ORC2: variants seen among roughly 807,000 people sequenced by gnomAD.
The protein encoded by ORC2 is origin recognition complex subunit 2.
In ORC2, 37 loss-of-function variants were observed where a neutral mutation model predicts 77.7. The observed-to-expected ratio is 0.48, with a 90% CI of 0.37 to 0.63. The LOEUF (loss-of-function observed/expected upper bound fraction) is 0.63, where lower values mean the gene tolerates loss of function less well. Ranked by LOEUF, ORC2 falls within the 20% of genes least tolerant of loss-of-function variation. The pLI, the probability that ORC2 is intolerant of heterozygous loss-of-function variation, is 0.00. For missense variants in ORC2, 557 were observed against 661.9 expected (o/e 0.84, Z 1.74); for synonymous variants, 201 against 229.5 (o/e 0.88, Z 1.12).
intron 10 of ORC2, among the ~76,000 whole-genome samples, chr2:200,932,334 C>CTTT (rs869076427): frequency 6.8e-4 from 82 of 120,148 alleles, no homozygotes; most frequent in Non-Finnish European, 9.6e-4. Flanking sequence ...TCATTTCAAA[C>CTTT]TTTTTTTTTT....
At chr2:200,936,214 C>T (rs2041044998) in intron 8 of ORC2, among the ~76,000 whole-genome samples, 1 of 152,184 alleles carries the variant, frequency 6.6e-6, no homozygotes, top group Non-Finnish European at 1.5e-5. Flanking sequence ...TCCTTGCTAA[C>T]AGAACTCCAA....
intron 4 of ORC2, among the ~76,000 whole-genome samples, 193 bp downstream of exon 4, chr2:200,957,208 T>C (rs1319457247): frequency 1.3e-5 from 2 of 152,180 alleles, no homozygotes; most frequent in Admixed American, 6.5e-5. Flanking sequence ...ATAGATTCCT[T>C]CTTACTGAAA....
chr2:200,920,794 C>T (rs1243997089), intron 14 of ORC2, among the ~76,000 whole-genome samples, 199 bp downstream of exon 14: 3 of 152,146 alleles, frequency 2.0e-5, no homozygotes, highest in African/African-American at 7.2e-5. Flanking sequence ...AAAACATCCT[C>T]ATTTAGTATC....
At chr2:200,950,127 T>G (rs2125020454) in intron 4 of ORC2, among the ~76,000 whole-genome samples, 1 of 152,134 alleles carries the variant, frequency 6.6e-6, no homozygotes, top group Admixed American at 6.5e-5. Context: ...GTCAGGAGAT[T>G]GAGAGCATCC....
intron 13 of ORC2, among the ~76,000 whole-genome samples, chr2:200,924,429 A>G (rs1038267935): frequency 3.9e-5 from 6 of 152,134 alleles, no homozygotes; most frequent in African/African-American, 1.4e-4. Flanking sequence ...TGGGACAGAA[A>G]GCTTTTCAGG....
At chr2:200,932,971 G>A (rs770581593) in intron 10 of ORC2, among the ~76,000 whole-genome samples, 2 of 152,128 alleles carry the variant, frequency 1.3e-5, no homozygotes, top group African/African-American at 2.4e-5. Context: ...AAAGGCTTTC[G>A]TCTCCCTCAC....
chr2:200,928,828 C>A lies in ORC2; in HGVS notation c.918-1928G>T, dbSNP rs79527469. On this transcript the variant is annotated intron_variant, in intron 11 of 17. Coordinates refer to ENST00000234296, the MANE Select transcript of ORC2 (RefSeq NM_006190.5). ...GACTCTGTCTCAAAAAAAAAAACAA[C>A]AAAAAAAAAGTCCTAAAAACTTTTA... Among the ~76,000 whole-genome samples, 6 of 147,954 alleles carry A rather than the reference C, an allele frequency of 4.1e-5. No individual in the cohort carries two copies. The East Asian group carries it at 5.9e-4, about 15-fold the overall frequency.
intron 6 of ORC2, 31 bp from the exon 7 acceptor site, chr2:200,941,310 C>G: frequency 6.3e-7 from 1 of 1,593,398 alleles, no homozygotes; most frequent in South Asian, 1.1e-5. Flanking sequence ...CCATGACTTA[C>G]TACGGACACT....
rs572427839 is a variant in ORC2, at chr2:200,910,261, AG to A, written c.*1039del. On this transcript the variant is annotated 3_prime_UTR_variant, in exon 18 of 18. Coordinates refer to ENST00000234296, the MANE Select transcript of ORC2 (RefSeq NM_006190.5). The stretch of plus-strand genomic sequence containing the variant: ...TTTCAGGGGGTATGTGATGACTGTA[AG>A]CTGACAACAGTAGCCAAGGTGAGCC... 101 of 152,276 alleles carry A rather than the reference AG, an allele frequency of 6.6e-4. No homozygotes were observed. Among genetic ancestry groups the A allele is most frequent in the African/African-American group, 2.4e-3 (98 of 41,554 alleles). 9.4% of individuals were successfully genotyped at this position (152,276 alleles called of 1,614,324 possible).
At chr2:200,952,473 G>C (rs552681876) in intron 4 of ORC2, among the ~76,000 whole-genome samples, 1 of 152,136 alleles carries the variant, frequency 6.6e-6, no homozygotes, top group East Asian at 1.9e-4. Flanking sequence ...GTGTTAGCCA[G>C]GATGGTCTCG....
chr2:200,915,359 A>G (rs1428798017), intron 15 of ORC2, among the ~76,000 whole-genome samples: 2 of 152,126 alleles, frequency 1.3e-5, no homozygotes, highest in East Asian at 3.8e-4. Context: ...GGAAGTTTTA[A>G]CAACTGCTTA....
intron 11 of ORC2, among the ~76,000 whole-genome samples, chr2:200,927,952 TGCTGGGATTACA>T (rs2040871898): frequency 6.6e-6 from 1 of 151,660 alleles, no homozygotes; most frequent in Admixed American, 6.6e-5. Flanking sequence ...CCTCTCAAAG[TGCTGGGATTACA>T]GGCATGAGCC....
intron 4 of ORC2, among the ~76,000 whole-genome samples, chr2:200,956,474 C>T (rs1211977594): frequency 6.6e-6 from 1 of 152,048 alleles, no homozygotes; most frequent in African/African-American, 2.4e-5. Context: ...AGCCATCACA[C>T]ACCCAGCTTC....
At chr2:200,922,150 T>C (rs1383333244) in intron 13 of ORC2, among the ~76,000 whole-genome samples, 2 of 79,778 alleles carry the variant, frequency 2.5e-5, no homozygotes, top group Admixed American at 3.7e-4. Flanking sequence ...AAGGAGTGGG[T>C]GGGGGGTGGG....
chr2:200,914,097 C>T (rs573178318), intron 15 of ORC2, 105 bp from the exon 16 acceptor site: 43 of 660,228 alleles, frequency 6.5e-5, no homozygotes, highest in African/African-American at 1.9e-4. Flanking sequence ...TTGGCCTATC[C>T]GCATTATCTT....
At chr2:200,943,172 G>T (rs2041186782) in intron 5 of ORC2, 1 of 154,228 alleles carries the variant, frequency 6.5e-6, no homozygotes, top group South Asian at 2.0e-4. Context: ...AAACTGTGCA[G>T]AGTTAAAATT....
intron 5 of ORC2, among the ~76,000 whole-genome samples, chr2:200,949,244 A>G (rs922267320): frequency 1.3e-5 from 2 of 150,852 alleles, no homozygotes; most frequent in African/African-American, 4.9e-5. Flanking sequence ...CCACCTTTAA[A>G]AAAAAAAAAA....
rs905712745 is a variant in ORC2, at chr2:200,933,562, A to ATTAT, written c.807+310_807+313dup. ...AATTACAGTCTGTCTAATCCAGTAA[A>ATTAT]TTATTTATTTATTTATTTAAATTTT... On this transcript the variant is annotated intron_variant, in intron 10 of 17. Coordinates refer to ENST00000234296, the MANE Select transcript of ORC2 (RefSeq NM_006190.5). 5.3e-5 allele frequency among the ~76,000 whole-genome samples: 8 copies of ATTAT among 152,016 alleles called. No individual in the cohort carries two copies. In the South Asian group the frequency reaches 1.2e-3, roughly 24 times the overall value.
chr2:200,931,144 G>C (rs915038333), intron 11 of ORC2, among the ~76,000 whole-genome samples, 195 bp downstream of exon 11: 1 of 151,994 alleles, frequency 6.6e-6, no homozygotes, highest in Non-Finnish European at 1.5e-5. Flanking sequence ...AAAAACTGTA[G>C]AATTTCTGGG....
Sources: gnomAD v4.1 joint callset for allele counts (sites outside exome capture counted in the v4.1 genomes callset) on GRCh38, gnomAD v4.1.1 for gene constraint, MANE v1.5 for transcripts, NCBI Gene and HGNC (gene_info 2026-07-23, HGNC 2026-07-21) for gene names.